Variants in NFIL3 observed in about 807,000 individuals in gnomAD.
NFIL3 encodes the protein nuclear factor, interleukin 3 regulated, also known as nuclear factor interleukin-3-regulated protein.
In NFIL3, 5 loss-of-function variants were observed where a neutral mutation model predicts 10.0. That is an observed-to-expected ratio of 0.50 (90% CI 0.26 to 1.06). NFIL3 has a LOEUF of 1.06. Ranked by LOEUF, NFIL3 falls within the 50% of genes least tolerant of loss-of-function variation. The probability of loss-of-function intolerance (pLI) is 0.13; values close to 1 mark genes in which losing one functional copy is unlikely to be tolerated. For missense variants in NFIL3, 436 were observed against 547.6 expected (o/e 0.80, Z 2.03); for synonymous variants, 202 against 206.5 (o/e 0.98, Z 0.19).
the NFIL3 span, among the ~76,000 whole-genome samples, chr9:91,444,658 G>A: frequency 1.3e-5 from 2 of 152,234 alleles, no homozygotes; most frequent in African/African-American, 4.8e-5. Context: ...GTCCCAGGTG[G>A]GTGTAGTTAT....
chr9:91,475,337 C>T, the NFIL3 span, among the ~76,000 whole-genome samples: 1 of 152,126 alleles, frequency 6.6e-6, no homozygotes. Flanking sequence ...TTCAAAACTT[C>T]CAACTACATG....
At chr9:91,460,271 C>CTTTTTTTTTTTTTTTTTTTT in the NFIL3 span, among the ~76,000 whole-genome samples, 425 of 70,412 alleles carry the variant, frequency 6.0e-3, 112 homozygotes, top group African/African-American at 0.018. Context: ...GGGCTTGGTT[C>CTTTTTTTTTTTTTTTTTTTT]TTTTTTTTTT....
rs1310725601 is a variant in NFIL3 at position 91,410,335 on chromosome 9, A to G, written c.400T>C (p.Tyr134His). 6.2e-7 allele frequency: 1 copy of G among 1,614,234 alleles called. No individual in the cohort carries two copies. Among genetic ancestry groups the G allele is most frequent in the Admixed American group, 1.7e-5 (1 of 60,026 alleles). ...LKFGLISSTA[Y>H]AQEIQKLSNS... ...CTGAGTTTCTGAATCTCTTGAGCAT[A>G]TGCTGTGGAGCTAATTAAACCAAAC... Residue 134 changes from tyrosine (Y) to histidine (H), a missense_variant, in exon 2 of 2, where the codon TAT becomes CAT. This residue lies in a region of NFIL3 where 338 missense variants were observed against 399.9 expected (regional missense o/e 0.85). Transcript: ENST00000297689. The surrounding 1 kb of genome is among the most constrained non-coding windows in gnomAD (Gnocchi z 5.7).
chr9:91,433,408 A>G, the NFIL3 span, among the ~76,000 whole-genome samples: 7 of 152,370 alleles, frequency 4.6e-5, no homozygotes, highest in East Asian at 1.3e-3. Context: ...TTTGACTCAC[A>G]CAAGATCTAC....
the NFIL3 span, among the ~76,000 whole-genome samples, chr9:91,441,596 T>G: frequency 6.6e-6 from 1 of 152,178 alleles, no homozygotes; most frequent in African/African-American, 2.4e-5. Context: ...TTTTTGTCTA[T>G]CTTTGTGATT....
chr9:91,454,851 C>T, the NFIL3 span, among the ~76,000 whole-genome samples: 5 of 152,090 alleles, frequency 3.3e-5, no homozygotes, highest in South Asian at 2.1e-4. Flanking sequence ...CGAAACAAAA[C>T]AAAACCTCTC....
Position 91,410,199 on chromosome 9 carries a change from A to G in NFIL3, c.536T>C (p.Ile179Thr). 1.2e-6 allele frequency: 2 copies of G among 1,614,130 alleles called. No individual in the cohort carries two copies. The highest frequency in any genetic ancestry group is 1.7e-6 in the Non-Finnish European group (2 of 1,180,012). Reference sequence around the variant, plus strand: ...CAGCGAGCTTTGTGGAGAGTGTTTAATGACAGAAATACAACTACTTGACAC... The same window carrying G: ...CAGCGAGCTTTGTGGAGAGTGTTTAGTGACAGAAATACAACTACTTGACAC... ...SMVSSSCISV[I>T]KHSPQSSLSD... Residue 179 changes from isoleucine (I) to threonine (T), a missense_variant, in exon 2 of 2, where the codon ATT becomes ACT. Coordinates refer to ENST00000297689, the MANE Select transcript of NFIL3 (RefSeq NM_005384.3). This position sits in a 1 kb window ranked among gnomAD's most constrained non-coding sequence, Gnocchi z 5.7.
chr9:91,463,808 A>G, the NFIL3 span, among the ~76,000 whole-genome samples: 1 of 152,096 alleles, frequency 6.6e-6, no homozygotes, highest in Non-Finnish European at 1.5e-5. Context: ...TTTTAATTCT[A>G]TCAAGTTTTG....
intron 1 of NFIL3, among the ~76,000 whole-genome samples, chr9:91,414,997 G>A (rs1833625280): frequency 6.6e-6 from 1 of 152,170 alleles, no homozygotes; most frequent in Admixed American, 6.5e-5. Flanking sequence ...AATGTTATGT[G>A]AATTGTAAAG....
At chr9:91,415,116 T>TA (rs1833628362) in intron 1 of NFIL3, among the ~76,000 whole-genome samples, 1 of 151,952 alleles carries the variant, frequency 6.6e-6, no homozygotes, top group Non-Finnish European at 1.5e-5. Context: ...TAGGGGCACA[T>TA]AAAGAGGGAG....
chr9:91,460,069 C>T, the NFIL3 span, among the ~76,000 whole-genome samples: 2 of 145,750 alleles, frequency 1.4e-5, no homozygotes, highest in Non-Finnish European at 3.0e-5. Context: ...AGTTGAGCTC[C>T]CTTCTCCCCA....
chr9:91,428,374 G>A (rs549280920), upstream of NFIL3, among the ~76,000 whole-genome samples: 1 of 152,166 alleles, frequency 6.6e-6, no homozygotes, highest in East Asian at 1.9e-4. Context: ...ACCTATCCCA[G>A]CCACAACCTA....
the NFIL3 span, among the ~76,000 whole-genome samples, chr9:91,449,188 C>T: frequency 4.6e-5 from 7 of 151,730 alleles, no homozygotes; most frequent in East Asian, 2.0e-4. Context: ...TGCTCCTTTT[C>T]GTTATTTTTT....
chr9:91,451,595 C>T, the NFIL3 span, among the ~76,000 whole-genome samples: 2 of 152,154 alleles, frequency 1.3e-5, no homozygotes, highest in Non-Finnish European at 2.9e-5. Context: ...GGACCCATTC[C>T]TCAGGATTGT....
chr9:91,416,455 A>G (rs968317053), intron 1 of NFIL3, among the ~76,000 whole-genome samples: 2 of 152,216 alleles, frequency 1.3e-5, no homozygotes, highest in African/African-American at 2.4e-5. Flanking sequence ...TTAATTTAAC[A>G]ATTACTTCAT....
At chr9:91,412,717 G>A (rs371788255) in intron 1 of NFIL3, among the ~76,000 whole-genome samples, 7 of 152,132 alleles carry the variant, frequency 4.6e-5, no homozygotes, top group South Asian at 2.1e-4. Context: ...GGTGACAGGC[G>A]CCTGTAATCC....
the NFIL3 span, among the ~76,000 whole-genome samples, chr9:91,431,370 C>CTA: frequency 1.3e-5 from 2 of 152,080 alleles, no homozygotes. Context: ...TTTACATATG[C>CTA]TATATATGCT....
At chr9:91,481,976 T>C in the NFIL3 span, among the ~76,000 whole-genome samples, 1 of 152,192 alleles carries the variant, frequency 6.6e-6, no homozygotes, top group Non-Finnish European at 1.5e-5. Flanking sequence ...TCATGCAATC[T>C]ATTTGCTTAA....
the NFIL3 span, among the ~76,000 whole-genome samples, chr9:91,452,501 G>A: frequency 3.9e-5 from 6 of 152,166 alleles, no homozygotes; most frequent in Admixed American, 6.5e-5. Context: ...TAGGCCAGGT[G>A]CGGTGGCTCA....
Sources: gnomAD v4.1 joint callset for allele counts (sites outside exome capture counted in the v4.1 genomes callset) on GRCh38, gnomAD v4.1.1 for gene constraint, gnomAD v4.1.1 regional missense constraint, Gnocchi (gnomAD v3.1) non-coding constraint, MANE v1.5 for transcripts, NCBI Gene and HGNC (gene_info 2026-07-23, HGNC 2026-07-21) for gene names.